Variants in ARHGAP5 observed in about 807,000 individuals in gnomAD.
ARHGAP5 encodes Rho GTPase activating protein 5, also known as rho GTPase-activating protein 5.
A neutral mutation model predicts 116.6 loss-of-function variants in ARHGAP5; 23 were observed. The ratio of observed to expected loss-of-function variants is 0.20; its 90% confidence interval spans 0.14 to 0.28. The LOEUF (loss-of-function observed/expected upper bound fraction) is 0.28. ARHGAP5 is among the 10% of genes least tolerant of loss of function. ARHGAP5 has a pLI of 1.00. For missense variants in ARHGAP5, 1,405 were observed against 1,774.8 expected, an observed-to-expected ratio of 0.79 and a Z score of 3.74; for synonymous variants, 574 against 602.0, an observed-to-expected ratio of 0.95 and a Z score of 0.68.
chr14:32,088,791 A>G (rs867743667), intron 1 of ARHGAP5, among the ~76,000 whole-genome samples: 1 of 152,036 alleles, frequency 6.6e-6, no homozygotes, highest in Non-Finnish European at 1.5e-5. Context: ...TGGTTCCAAG[A>G]ATCAAATAAA....
Position 32,091,848 on chromosome 14 carries a change from C to G in ARHGAP5, c.1179C>G (p.Asp393Glu). The G allele has an allele frequency of 2.5e-6, 4 of 1,613,328 alleles. No homozygotes were observed. Among genetic ancestry groups the G allele is most frequent in the Non-Finnish European group, 3.4e-6 (4 of 1,179,598 alleles). ...CTTGGGATGAAACTGACCATATAGA[C>G]AAAATTAATGATAGGCGGATTCCAT... ...KTPWDETDHIDKINDRRIPFD... is the reference protein window; with the variant it reads ...KTPWDETDHIEKINDRRIPFD... Residue 393 changes from aspartate (D) to glutamate (E), a missense_variant, in exon 2 of 7, where the codon GAC (aspartate) becomes GAG (glutamate). Physicochemically the swap from Asp to Glu is conservative, Grantham distance 45. Around this residue, in one of 6 missense-constraint regions of ARHGAP5, gnomAD observed 944 missense variants for 1,095.3 expected, o/e 0.86. Coordinates refer to ENST00000345122, the MANE Select transcript of ARHGAP5 (RefSeq NM_001030055.2).
intron 3 of ARHGAP5, among the ~76,000 whole-genome samples, chr14:32,143,202 AGTTGTTGTTGTTGTT>A (rs140378018): frequency 2.5e-4 from 37 of 145,440 alleles, no homozygotes; most frequent in African/African-American, 7.4e-4. Flanking sequence ...ACATTATTTT[AGTTGTTGTTGTTGTT>A]GTTGTTGTTG....
chr14:32,119,399 C>G (rs1335087586), intron 3 of ARHGAP5, among the ~76,000 whole-genome samples: 1 of 152,050 alleles, frequency 6.6e-6, no homozygotes, highest in Non-Finnish European at 1.5e-5. Flanking sequence ...AATCAGTCCT[C>G]TTATTTAAAA....
chr14:32,093,662 T>C lies in ARHGAP5; in HGVS notation c.2993T>C (p.Val998Ala). ...CCTTATAGTCCAATTGGGGATGATG[T>C]ACAGTTGCTTCCAACACCTAGTGAC... ...PPPYSPIGDD[V>A]QLLPTPSDRS... The change falls in exon 2 of 7, where the codon GTA (valine) becomes GCA (alanine). Residue 998 changes from valine (V) to alanine (A), a missense_variant. Val to Ala is a moderately conservative substitution (Grantham distance 64). Around this residue, in one of 6 missense-constraint regions of ARHGAP5, gnomAD observed 944 missense variants for 1,095.3 expected, o/e 0.86. Coordinates refer to ENST00000345122, the MANE Select transcript of ARHGAP5 (RefSeq NM_001030055.2). 1 of 1,613,982 alleles carries C rather than the reference T, an allele frequency of 6.2e-7. No individual in the cohort carries two copies. Among genetic ancestry groups the C allele is most frequent in the South Asian group, 1.1e-5 (1 of 91,046 alleles).
intron 4 of ARHGAP5, among the ~76,000 whole-genome samples, chr14:32,148,338 T>C (rs1881489353): frequency 6.6e-6 from 1 of 152,174 alleles, no homozygotes; most frequent in South Asian, 2.1e-4. Flanking sequence ...ACTTTCTTGT[T>C]TTGTTTTCTC....
Position 32,082,923 on chromosome 14 carries a change from T to C in ARHGAP5, c.-169+5488T>C, listed in dbSNP as rs182423423. Reference sequence around the variant, plus strand: ...ATCTCTTGGGCTCTGTGCCCAGTCTTGTATTCCTCCTCTAGACTAATCTGT... The same window carrying C: ...ATCTCTTGGGCTCTGTGCCCAGTCTCGTATTCCTCCTCTAGACTAATCTGT... On this transcript the variant is annotated intron_variant, in intron 1 of 6. Transcript: ENST00000345122. Among the ~76,000 whole-genome samples the C allele has an allele frequency of 2.6e-5, 4 of 152,386 alleles. No individual in the cohort carries two copies. The East Asian group carries it at 7.7e-4, about 29-fold the overall frequency.
At chr14:32,084,482 G>C (rs2041809462) in intron 1 of ARHGAP5, among the ~76,000 whole-genome samples, 1 of 152,140 alleles carries the variant, frequency 6.6e-6, no homozygotes, top group Non-Finnish European at 1.5e-5. Context: ...GTGACTTCAG[G>C]ATTACCCAGC....
rs982939740 is a variant in ARHGAP5, at chr14:32,094,076, G to A, written c.3407G>A (p.Gly1136Glu). 1 of 1,613,810 alleles carries A rather than the reference G, an allele frequency of 6.2e-7. No homozygotes were observed. Among genetic ancestry groups the A allele is most frequent in the African/African-American group, 1.3e-5 (1 of 74,896 alleles). ...VNNTQGDEEN[G>E]FSDRTSKSHG... ...AACACCCAAGGAGATGAAGAAAATG[G>A]GTTTTCTGATAGAACCTCAAAAAGT... Residue 1136 changes from glycine (G) to glutamate (E), a missense_variant, in exon 2 of 7, where the codon GGG (glycine) becomes GAG (glutamate). By Grantham distance (98) the Gly-to-Glu change is moderately conservative. Around this residue, in one of 6 missense-constraint regions of ARHGAP5, gnomAD observed 944 missense variants for 1,095.3 expected, o/e 0.86. Coordinates refer to ENST00000345122, the MANE Select transcript of ARHGAP5 (RefSeq NM_001030055.2).
rs151276606 is a variant in ARHGAP5, at chr14:32,092,034, C to T, written c.1365C>T (p.Cys455=). 1.1e-4 allele frequency: 179 copies of T among 1,613,442 alleles called. No individual in the cohort carries two copies. The highest frequency in any genetic ancestry group is 1.4e-4 in the Non-Finnish European group (171 of 1,179,724). ...SPGQPWEEVM[C]FVMEDEAYKY... ...GGCAGCCATGGGAGGAAGTTATGTG[C>T]TTTGTTATGGAGGATGAAGCCTACA... is the stretch of plus-strand genomic sequence containing the variant. Residue 455 remains cysteine, a synonymous_variant, in exon 2 of 7, where the codon TGC becomes TGT. Transcript: ENST00000345122. This position sits in a 1 kb window ranked among gnomAD's most constrained non-coding sequence, Gnocchi z 4.1.
intron 3 of ARHGAP5, among the ~76,000 whole-genome samples, chr14:32,118,550 G>A (rs1239951626): frequency 6.6e-6 from 1 of 151,688 alleles, no homozygotes; most frequent in African/African-American, 2.4e-5. Context: ...TAGTTGAAAT[G>A]GCATGTGTCT....
At chr14:32,150,106 A>G (rs1881576061) in intron 5 of ARHGAP5, 73 bp downstream of exon 5, 2 of 1,256,342 alleles carry the variant, frequency 1.6e-6, no homozygotes, top group African/African-American at 1.5e-5. Context: ...AAGTGTTAAA[A>G]TCATCATGTA....
rs1594347729 is a variant in ARHGAP5 at position 32,093,625 on chromosome 14, G to A, written c.2956G>A (p.Glu986Lys). The A allele has an allele frequency of 1.2e-6, 2 of 1,613,680 alleles. No homozygotes were observed. ...NNYPDSDDDT[E>K]APPPYSPIGD... The stretch of plus-strand genomic sequence containing the variant: ...CTACCCTGATTCAGATGATGACACA[G>A]AAGCACCACCTCCTTATAGTCCAAT... The change falls in exon 2 of 7, where the codon GAA becomes AAA. Residue 986 changes from glutamate to lysine, a missense_variant. This residue lies in a region of ARHGAP5 where 944 missense variants were observed against 1,095.3 expected (regional missense o/e 0.86). Transcript: ENST00000345122.
intron 2 of ARHGAP5, among the ~76,000 whole-genome samples, chr14:32,095,973 G>A (rs1878506936): frequency 6.6e-6 from 1 of 151,072 alleles, no homozygotes; most frequent in Non-Finnish European, 1.5e-5. Context: ...AAGCCTAATT[G>A]CTTTGGTAAC....
chr14:32,106,202 A>G (rs1157963314), intron 2 of ARHGAP5, among the ~76,000 whole-genome samples: 1 of 152,096 alleles, frequency 6.6e-6, no homozygotes, highest in Admixed American at 6.5e-5. Context: ...GCTCACTGCA[A>G]CCTCTGCCTC....
At chr14:32,149,581 G>GC (rs764165162) in intron 4 of ARHGAP5, among the ~76,000 whole-genome samples, 1 of 151,796 alleles carries the variant, frequency 6.6e-6, no homozygotes, top group Non-Finnish European at 1.5e-5. Flanking sequence ...GACCAGCCTG[G>GC]CCAACATGGT....
At chr14:32,136,131 AG>A (rs1252735350) in intron 3 of ARHGAP5, among the ~76,000 whole-genome samples, 7 of 152,086 alleles carry the variant, frequency 4.6e-5, no homozygotes, top group Non-Finnish European at 1.0e-4. Context: ...AATTTTTTTG[AG>A]GTAAAATTTA....
At chr14:32,084,379 A>G (rs1251152625) in intron 1 of ARHGAP5, among the ~76,000 whole-genome samples, 1 of 152,090 alleles carries the variant, frequency 6.6e-6, no homozygotes, top group African/African-American at 2.4e-5. Flanking sequence ...GTCCTGGGGA[A>G]AAAAACTGGA....
chr14:32,105,208 T>C (rs1878957961), intron 2 of ARHGAP5, among the ~76,000 whole-genome samples: 1 of 152,168 alleles, frequency 6.6e-6, no homozygotes, highest in Non-Finnish European at 1.5e-5. Flanking sequence ...GTTTTCCATA[T>C]AGGTCATAGC....
chr14:32,100,513 A>T (rs1008893543), intron 2 of ARHGAP5, among the ~76,000 whole-genome samples: 1 of 152,164 alleles, frequency 6.6e-6, no homozygotes, highest in African/African-American at 2.4e-5. Context: ...ATACAAATTT[A>T]AAAAACAGCG....
Sources: allele counts gnomAD v4.1 joint callset (sites outside exome capture counted in the v4.1 genomes callset), GRCh38; gene constraint gnomAD v4.1.1; regional missense constraint gnomAD v4.1.1; non-coding constraint Gnocchi (gnomAD v3.1); transcripts MANE v1.5; gene names NCBI Gene and HGNC (gene_info 2026-07-23, HGNC 2026-07-21).